The following SLC26A5 variants were observed in gnomAD, a reference collection of about 807,000 sequenced individuals.
SLC26A5 encodes the protein solute carrier family 26 member 5.
SLC26A5 carries 51 observed loss-of-function variants against 81.0 expected under a neutral mutation model. The ratio of observed to expected loss-of-function variants is 0.63; its 90% confidence interval spans 0.50 to 0.80. SLC26A5 has a LOEUF of 0.80. SLC26A5 is among the 30% of genes least tolerant of loss of function. The probability of loss-of-function intolerance (pLI) is 0.00; values close to 1 mark genes in which losing one functional copy is unlikely to be tolerated. For synonymous variants in SLC26A5, 325 were observed against 332.8 expected, an observed-to-expected ratio of 0.98 and a Z score of 0.25; for missense variants, 771 against 905.8, an observed-to-expected ratio of 0.85 and a Z score of 1.91.
Position 103,366,182 on chromosome 7 carries a change from A to C in SLC26A5, c.2041+10626T>G, listed in dbSNP as rs1393635752. Reference sequence around the variant, plus strand: ...ATTGGAGGTGAGAATGATACGTTAGAGAACTGCTTTAGGATTCAGTTTCAT... The same window carrying C: ...ATTGGAGGTGAGAATGATACGTTAGCGAACTGCTTTAGGATTCAGTTTCAT... On this transcript the variant is annotated intron_variant, in intron 19 of 19. Coordinates refer to the SLC26A5 transcript ENST00000339444. The C allele has an allele frequency of 2.5e-6, 4 of 1,579,604 alleles. No individual in the cohort carries two copies. In the South Asian group the frequency reaches 4.4e-5, roughly 18 times the overall value.
At chr7:103,423,147 G>A (rs527325006) in intron 2 of SLC26A5, among the ~76,000 whole-genome samples, 205 of 151,040 alleles carry the variant, frequency 1.4e-3, no homozygotes, top group African/African-American at 4.8e-3. Flanking sequence ...TGATGCACAC[G>A]TGTAATCCCA....
At chr7:103,365,927 C>A (rs760066561) in intron 19 of SLC26A5, 43 of 647,318 alleles carry the variant, frequency 6.6e-5, no homozygotes, top group Non-Finnish European at 9.8e-5. Context: ...GACTCCATCT[C>A]AAAAAAATAA....
chr7:103,364,571 A>G (rs1481266704), intron 19 of SLC26A5, among the ~76,000 whole-genome samples: 1 of 151,974 alleles, frequency 6.6e-6, no homozygotes, highest in Non-Finnish European at 1.5e-5. Context: ...CACCACACCC[A>G]GCTAATTTTT....
intron 8 of SLC26A5, among the ~76,000 whole-genome samples, 179 bp downstream of exon 8, chr7:103,407,672 G>C (rs1467606687): frequency 6.6e-6 from 1 of 152,118 alleles, no homozygotes; most frequent in Admixed American, 6.6e-5. Context: ...CTGTGTCTAT[G>C]TTTTAAGGCT....
chr7:103,407,834 G>T lies in SLC26A5; in HGVS notation c.888+17C>A, dbSNP rs1265839033. 1.2e-6 allele frequency: 2 copies of T among 1,613,572 alleles called. No homozygotes were observed. Among genetic ancestry groups the T allele is most frequent in the African/African-American group, 1.3e-5 (1 of 74,902 alleles). ...AGTTGTAGAAGCCGAGTAGGTCACT[G>T]ACCGAAGGTGACTTACCGCAAAGAA... On this transcript the variant is annotated intron_variant, in intron 8 of 19. Transcript: ENST00000306312.
At chr7:103,413,288 A>G (rs1043110719) in intron 4 of SLC26A5, among the ~76,000 whole-genome samples, 176 bp from the exon 5 acceptor site, 20 of 152,192 alleles carry the variant, frequency 1.3e-4, no homozygotes, top group African/African-American at 4.8e-4. Flanking sequence ...ATAGAGTCCA[A>G]GCTGAGAAAC....
At chr7:103,397,062 T>C (rs1450109128) in intron 9 of SLC26A5, among the ~76,000 whole-genome samples, 1 of 147,114 alleles carries the variant, frequency 6.8e-6, no homozygotes. Flanking sequence ...GCCATTGCAC[T>C]CCAGCCTGGG....
chr7:103,422,448 G>A (rs963707050), intron 2 of SLC26A5, among the ~76,000 whole-genome samples: 4 of 152,016 alleles, frequency 2.6e-5, no homozygotes, highest in Admixed American at 2.0e-4. Flanking sequence ...GTTGAATACT[G>A]AGAGGATTCA....
intron 2 of SLC26A5, among the ~76,000 whole-genome samples, chr7:103,424,594 T>A (rs1033712568): frequency 6.6e-6 from 1 of 152,218 alleles, no homozygotes; most frequent in East Asian, 1.9e-4. Flanking sequence ...GGTAATTTCT[T>A]CCTACATATG....
intron 9 of SLC26A5, among the ~76,000 whole-genome samples, chr7:103,396,807 A>C (rs1823145212): frequency 6.6e-6 from 1 of 152,200 alleles, no homozygotes. Context: ...AAAAATGATT[A>C]AGATTTGCTG....
chr7:103,393,931 T>G (rs1305342166), intron 9 of SLC26A5, among the ~76,000 whole-genome samples: 1 of 152,216 alleles, frequency 6.6e-6, no homozygotes, highest in Non-Finnish European at 1.5e-5. Flanking sequence ...ATTTATTATA[T>G]GCTTTCTCTG....
intron 2 of SLC26A5, among the ~76,000 whole-genome samples, chr7:103,433,776 C>G (rs1170264920): frequency 6.8e-6 from 1 of 147,930 alleles, no homozygotes; most frequent in Non-Finnish European, 1.5e-5. Context: ...GATCTGGGCT[C>G]ACTGCAAGCT....
At chr7:103,405,332 G>C (rs1006518725) in intron 8 of SLC26A5, among the ~76,000 whole-genome samples, 17 of 152,054 alleles carry the variant, frequency 1.1e-4, no homozygotes, top group Non-Finnish European at 2.9e-5. Flanking sequence ...ATCTACCTTT[G>C]GTCTTTGCTC....
At chr7:103,398,383 C>T (rs920650535) in intron 8 of SLC26A5, among the ~76,000 whole-genome samples, 6 of 152,182 alleles carry the variant, frequency 3.9e-5, no homozygotes, top group African/African-American at 1.2e-4. Context: ...ATATTTAACT[C>T]TGTACTTCGA....
intron 9 of SLC26A5, among the ~76,000 whole-genome samples, chr7:103,397,692 A>G (rs554022811): frequency 9.4e-5 from 14 of 148,792 alleles, no homozygotes; most frequent in African/African-American, 3.5e-4. Context: ...ACTCCAGCCC[A>G]GGCGACAGAG....
At chr7:103,405,596 G>C (rs1823980160) in intron 8 of SLC26A5, among the ~76,000 whole-genome samples, 1 of 152,196 alleles carries the variant, frequency 6.6e-6, no homozygotes, top group African/African-American at 2.4e-5. Context: ...GCCAGCCAGA[G>C]ATCCCCTGGA....
Position 103,367,317 on chromosome 7 carries a change from A to T in SLC26A5, c.2041+9491T>A. 8.9e-7 allele frequency: 1 copy of T among 1,123,506 alleles called. No individual in the cohort carries two copies. The highest frequency in any genetic ancestry group is 1.3e-6 in the Non-Finnish European group (1 of 755,134). The allele number at this position is 1,123,506 out of a possible 1,614,324, so 69.6% of individuals were successfully genotyped here. ...AGTGGGATGTCACTTGTGCCTGAGGACATGATTTGAGCTGAGATTTTTGGT... is the reference window on the plus strand; with the variant it reads ...AGTGGGATGTCACTTGTGCCTGAGGTCATGATTTGAGCTGAGATTTTTGGT... On this transcript the variant is annotated intron_variant, in intron 19 of 19. Transcript: ENST00000339444. This position sits in a 1 kb window ranked among gnomAD's most constrained non-coding sequence, Gnocchi z 6.1.
chr7:103,394,076 A>G (rs1043338489), intron 9 of SLC26A5, among the ~76,000 whole-genome samples: 3 of 152,192 alleles, frequency 2.0e-5, no homozygotes, highest in African/African-American at 7.2e-5. Flanking sequence ...CAGCTCATCT[A>G]CCAAGTACAA....
intron 10 of SLC26A5, 29 bp from the exon 11 acceptor site, chr7:103,391,764 GAGAT>G (rs1424882921): frequency 5.7e-6 from 9 of 1,569,082 alleles, no homozygotes; most frequent in Non-Finnish European, 7.9e-6. Flanking sequence ...AAACACAAAA[GAGAT>G]AGGTCATTCT....
Sources: gnomAD v4.1 joint callset for allele counts (sites outside exome capture counted in the v4.1 genomes callset) on GRCh38, gnomAD v4.1.1 for gene constraint, Gnocchi (gnomAD v3.1) non-coding constraint, MANE v1.5 for transcripts, NCBI Gene and HGNC (gene_info 2026-07-23, HGNC 2026-07-21) for gene names.